Variants in MZT2A observed in about 807,000 individuals in gnomAD.
The protein encoded by MZT2A is mitotic-spindle organizing protein 2A.
MZT2A carries 8 observed loss-of-function variants against 12.4 expected under a neutral mutation model. The ratio of observed to expected loss-of-function variants is 0.64; its 90% CI spans 0.38 to 1.16. The LOEUF (loss-of-function observed/expected upper bound fraction) is 1.16. Ranked by LOEUF, MZT2A falls within the 50% of genes most tolerant of loss-of-function variation. The pLI is 0.01. For missense variants in MZT2A, 181 were observed against 223.6 expected, an observed-to-expected ratio of 0.81 and a Z score of 1.22; for synonymous variants, 88 against 107.5, an observed-to-expected ratio of 0.82 and a Z score of 1.12.
At chr2:131,491,011 T>A (rs10182785) in intron 2 of MZT2A, 2 of 1,434,452 alleles carry the variant, frequency 1.4e-6, no homozygotes, top group Admixed American at 2.0e-5. Context: ...CCCTGGCACT[T>A]CCCCCATGAA....
chr2:131,483,848 C>T (rs1217927225), downstream of MZT2A: 4 of 1,122,840 alleles, frequency 3.6e-6, no homozygotes, highest in African/African-American at 4.9e-5. Flanking sequence ...AGGAAGTTGA[C>T]CCATGGTGAA....
intron 2 of MZT2A, among the ~76,000 whole-genome samples, chr2:131,488,688 C>T (rs1679157703): frequency 6.6e-6 from 1 of 152,160 alleles, no homozygotes; most frequent in African/African-American, 2.4e-5. Context: ...TGGCCTCTGC[C>T]TCTCACTCAG....
intron 2 of MZT2A, chr2:131,490,514 T>A: frequency 1.4e-6 from 2 of 1,438,878 alleles, no homozygotes; most frequent in Non-Finnish European, 1.8e-6. Context: ...CCAGCCCGAC[T>A]GTGGGGTCTA....
At chr2:131,479,714 C>T (rs1003667640), downstream of MZT2A, among the ~76,000 whole-genome samples, 17 of 152,270 alleles carry the variant, frequency 1.1e-4, 1 homozygote, top group Admixed American at 9.8e-4. Context: ...GGGGCACACA[C>T]CTGTACTCCC....
intron 2 of MZT2A, chr2:131,478,326 A>G: frequency 1.9e-6 from 3 of 1,613,980 alleles, no homozygotes; most frequent in Non-Finnish European, 2.5e-6. Context: ...CTTCAGTGAG[A>G]CTGGAGCTGG....
At chr2:131,484,573 T>C (rs1276193666) in intron 2 of MZT2A, among the ~76,000 whole-genome samples, 1 of 143,848 alleles carries the variant, frequency 7.0e-6, no homozygotes, top group Non-Finnish European at 1.5e-5. Context: ...TAGTCTGCCC[T>C]GATCGTGCCA....
intron 2 of MZT2A, chr2:131,491,663 C>G (rs993462906): frequency 6.1e-6 from 5 of 816,146 alleles, no homozygotes; most frequent in Non-Finnish European, 9.3e-6. Flanking sequence ...CCCTGGGGCA[C>G]GCACTCTGCG....
chr2:131,476,489 A>C (rs1678672398), intron 2 of MZT2A, among the ~76,000 whole-genome samples: 2 of 152,134 alleles, frequency 1.3e-5, no homozygotes, highest in Admixed American at 1.3e-4. Flanking sequence ...TGAAGACGGG[A>C]GGGCGCTGCT....
chr2:131,478,386 G>A lies in MZT2A; in HGVS notation c.279-6204C>T, dbSNP rs1573858154. 3.1e-6 allele frequency: 5 copies of A among 1,610,754 alleles called. No homozygotes were observed. In the East Asian group the frequency reaches 6.7e-5, roughly 22 times the overall value. On this transcript the variant is annotated intron_variant and NMD_transcript_variant, in intron 2 of 4. Transcript: ENST00000427024. Reference sequence around the variant, plus strand: ...TGTGGACCTGGAGCCCACTGTGGTCGGTAGGTGCCTGGGCACTGGATGGCA... The same window carrying A: ...TGTGGACCTGGAGCCCACTGTGGTCAGTAGGTGCCTGGGCACTGGATGGCA...
At position 131,483,968 on chromosome 2, in the gene MZT2A, A is replaced by G. The variant is rs1678948321; in HGVS notation, c.*93T>C. ...AAACAGTAGAGAGCATCTGACCTGG[A>G]CCCTCTGCATCTCAGAAAGGTTTAT... On this transcript the variant is annotated 3_prime_UTR_variant, in exon 3 of 3. Coordinates refer to ENST00000309451, the MANE Select transcript of MZT2A (RefSeq NM_001085365.2). The G allele has an allele frequency of 1.3e-6, 2 of 1,500,998 alleles. No individual in the cohort carries two copies. Among genetic ancestry groups the G allele is most frequent in the Non-Finnish European group, 1.8e-6 (2 of 1,125,214 alleles). The allele number at this position is 1,500,998 out of a possible 1,614,324, so 93.0% of individuals were successfully genotyped here.
At position 131,488,251 on chromosome 2, in the gene MZT2A, C is replaced by T. The variant is rs138599734; in HGVS notation, c.319+3625G>A. On this transcript the variant is annotated intron_variant, in intron 2 of 2. Transcript: ENST00000309451. Reference sequence around the variant, plus strand: ...ATAGTTTCCCTAAACTTAAATATAACGCTTGACTGAATTTATTTTTCCCTC... The same window carrying T: ...ATAGTTTCCCTAAACTTAAATATAATGCTTGACTGAATTTATTTTTCCCTC... 4.1e-3 allele frequency among the ~76,000 whole-genome samples: 628 copies of T among 152,314 alleles called. 3 individuals carry two copies. Among genetic ancestry groups the T allele is most frequent in the African/African-American group, 0.013 (524 of 41,562 alleles).
upstream of MZT2A, chr2:131,492,475 C>T (rs1239004281): frequency 2.6e-6 from 3 of 1,155,208 alleles, no homozygotes; most frequent in South Asian, 8.1e-5. Flanking sequence ...GCCTCCCGGG[C>T]TGCCCTGGCG....
At chr2:131,469,954 A>G (rs182585565) in intron 4 of MZT2A, 6 of 239,448 alleles carry the variant, frequency 2.5e-5, no homozygotes, top group African/African-American at 1.0e-4. Flanking sequence ...CAGGCACCCA[A>G]TACCATGCCT....
rs1678625856 is a variant in MZT2A, at chr2:131,475,410, A to T, written c.279-3228T>A. On this transcript the variant is annotated intron_variant and NMD_transcript_variant, in intron 2 of 4. Coordinates refer to the MZT2A transcript ENST00000427024. Reference sequence around the variant, plus strand: ...AGTGGCCCAATCTCGGCTCACTGCAACAACTGCCTCCCAGTTTCAAGCGAT... The same window carrying T: ...AGTGGCCCAATCTCGGCTCACTGCATCAACTGCCTCCCAGTTTCAAGCGAT... 2.8e-5 allele frequency among the ~76,000 whole-genome samples: 4 copies of T among 143,958 alleles called. No homozygotes were observed. The South Asian group carries it at 8.8e-4, about 32-fold the overall frequency. The allele number at this position is 143,958 out of a possible 152,430, so 94.4% of individuals were successfully genotyped here.
intron 2 of MZT2A, among the ~76,000 whole-genome samples, chr2:131,474,214 C>T (rs981675952): frequency 6.6e-6 from 1 of 151,498 alleles, no homozygotes; most frequent in African/African-American, 2.4e-5. Flanking sequence ...CCTCCTGCCT[C>T]GGCATCCAGA....
chr2:131,492,502 G>C (rs890120308), upstream of MZT2A: 7 of 1,103,240 alleles, frequency 6.3e-6, no homozygotes, highest in Non-Finnish European at 7.6e-6. Flanking sequence ...GCGGGAGCGC[G>C]GGGACGGGGC....
intron 2 of MZT2A, chr2:131,490,955 C>T (rs1679271146): frequency 2.6e-6 from 4 of 1,549,230 alleles, no homozygotes; most frequent in Non-Finnish European, 2.6e-6. Flanking sequence ...GAGGCCAGCA[C>T]GCAGGTGCCC....
At chr2:131,475,319 CTTT>C (rs551443616) in intron 2 of MZT2A, among the ~76,000 whole-genome samples, 7 of 94,534 alleles carry the variant, frequency 7.4e-5, no homozygotes, top group East Asian at 9.5e-4. Context: ...TCCTTTCTTC[CTTT>C]TTTTTTTTTT....
At chr2:131,485,974 A>G (rs1303702049) in intron 2 of MZT2A, among the ~76,000 whole-genome samples, 1 of 151,440 alleles carries the variant, frequency 6.6e-6, no homozygotes, top group African/African-American at 2.4e-5. Context: ...CCTCCTTATG[A>G]GTTTCCGGGG....
Sources: gnomAD v4.1 joint callset for allele counts (sites outside exome capture counted in the v4.1 genomes callset) on GRCh38, gnomAD v4.1.1 for gene constraint, MANE v1.5 for transcripts, NCBI Gene and HGNC (gene_info 2026-07-23, HGNC 2026-07-21) for gene names.